Variants in STK24 observed in about 807,000 individuals in gnomAD.
The protein encoded by STK24 is serine/threonine-protein kinase 24.
Under a neutral mutation model 55.6 loss-of-function variants are expected in STK24, and 21 were observed. The observed-to-expected ratio is 0.38, with a 90% CI of 0.27 to 0.54. STK24 has a LOEUF of 0.54. Ranked by LOEUF, STK24 falls within the 20% of genes least tolerant of loss-of-function variation. The probability of loss-of-function intolerance (pLI) is 0.79; values close to 1 mark genes in which losing one functional copy is unlikely to be tolerated. For missense variants in STK24, 383 were observed against 538.4 expected (o/e 0.71, Z 2.86); for synonymous variants, 200 against 215.2 (o/e 0.93, Z 0.62).
At chr13:98,488,160 G>GACACACACACACACAC (rs71213678) in intron 2 of STK24, among the ~76,000 whole-genome samples, 81 of 130,402 alleles carry the variant, frequency 6.2e-4, no homozygotes, top group East Asian at 2.5e-3. Context: ...AAGAGATGAA[G>GACACACACACACACAC]ACACACACAC....
intron 1 of STK24, among the ~76,000 whole-genome samples, chr13:98,574,293 T>C (rs960975993): frequency 3.3e-5 from 5 of 152,222 alleles, no homozygotes; most frequent in African/African-American, 1.2e-4. Flanking sequence ...TTACAGACTC[T>C]GCTGTCTTTC....
At chr13:98,541,489 A>G (rs573488473) in intron 1 of STK24, among the ~76,000 whole-genome samples, 3 of 152,366 alleles carry the variant, frequency 2.0e-5, no homozygotes, top group East Asian at 3.9e-4. Flanking sequence ...GTTGTGAGCA[A>G]AGAGACCATG....
chr13:98,486,627 T>A (rs1894816917), intron 2 of STK24, among the ~76,000 whole-genome samples: 1 of 152,188 alleles, frequency 6.6e-6, no homozygotes, highest in South Asian at 2.1e-4. Context: ...TAGATGCCGG[T>A]GACACACCCC....
intron 2 of STK24, among the ~76,000 whole-genome samples, chr13:98,483,556 A>G (rs949784939): frequency 6.6e-6 from 1 of 151,906 alleles, no homozygotes; most frequent in Non-Finnish European, 1.5e-5. Context: ...AACACGCCCC[A>G]ACTTCCCAGG....
intron 2 of STK24, among the ~76,000 whole-genome samples, chr13:98,497,206 C>CCT (rs1022573728): frequency 7.9e-5 from 12 of 152,214 alleles, no homozygotes; most frequent in African/African-American, 2.9e-4. Flanking sequence ...TCAAAGCCAC[C>CCT]CTCCCTGTGA....
intron 3 of STK24, 115 bp downstream of exon 3, chr13:98,482,150 T>C (rs2139303399): frequency 3.6e-6 from 2 of 549,986 alleles, no homozygotes; most frequent in East Asian, 6.4e-5. Context: ...TGGTTCCTTT[T>C]TTAATGCAAC....
chr13:98,466,079 ATCT>A (rs1298476407), intron 6 of STK24, among the ~76,000 whole-genome samples: 3 of 152,220 alleles, frequency 2.0e-5, no homozygotes, highest in East Asian at 1.9e-4. Context: ...TTATGGCCTG[ATCT>A]TCTATAAATA....
At chr13:98,522,627 T>C (rs1896304229) in intron 1 of STK24, among the ~76,000 whole-genome samples, 1 of 152,200 alleles carries the variant, frequency 6.6e-6, no homozygotes, top group Admixed American at 6.5e-5. Flanking sequence ...TGCACGGAAT[T>C]TGCCACTTCC....
intron 1 of STK24, among the ~76,000 whole-genome samples, chr13:98,569,852 GAAAA>G (rs56223563): frequency 0.18 from 24,404 of 136,656 alleles, 2,101 homozygotes; most frequent in African/African-American, 0.2. Context: ...CTGAAACCAG[GAAAA>G]AAAAAAAAAC....
At chr13:98,500,009 T>C (rs1230013653) in intron 2 of STK24, among the ~76,000 whole-genome samples, 1 of 152,236 alleles carries the variant, frequency 6.6e-6, no homozygotes, top group African/African-American at 2.4e-5. Context: ...TCCTGTGATG[T>C]GCGTGCTAGT....
At chr13:98,514,398 A>G (rs1299935563) in intron 2 of STK24, among the ~76,000 whole-genome samples, 1 of 152,276 alleles carries the variant, frequency 6.6e-6, no homozygotes. Context: ...TATAACTTGG[A>G]AAGATGACTG....
At chr13:98,541,085 T>C (rs1344698606) in intron 1 of STK24, among the ~76,000 whole-genome samples, 1 of 152,170 alleles carries the variant, frequency 6.6e-6, no homozygotes, top group East Asian at 1.9e-4. Context: ...CAGAGGAAGG[T>C]CTTCAGGACT....
At chr13:98,495,789 C>T (rs1037577194) in intron 2 of STK24, among the ~76,000 whole-genome samples, 1 of 152,168 alleles carries the variant, frequency 6.6e-6, no homozygotes, top group African/African-American at 2.4e-5. Context: ...AATGTACGCC[C>T]TTGTGATTTC....
chr13:98,457,909 C>T (rs1893535707), intron 9 of STK24, among the ~76,000 whole-genome samples: 1 of 152,220 alleles, frequency 6.6e-6, no homozygotes, highest in East Asian at 1.9e-4. Flanking sequence ...CCAAGTCTCA[C>T]CGTGATGGAC....
chr13:98,556,399 C>T (rs1323532580), intron 1 of STK24, among the ~76,000 whole-genome samples: 3 of 152,246 alleles, frequency 2.0e-5, no homozygotes, highest in Admixed American at 2.0e-4. Context: ...AGTAAGCCCT[C>T]ACGTTCCACT....
intron 1 of STK24, among the ~76,000 whole-genome samples, chr13:98,566,246 T>C (rs1306897548): frequency 2.0e-5 from 3 of 152,124 alleles, no homozygotes; most frequent in Admixed American, 6.5e-5. Flanking sequence ...TCTTTAAAGG[T>C]TAAAAACAAG....
At chr13:98,576,193 A>G (rs1897886866) in intron 1 of STK24, 1 of 984,986 alleles carries the variant, frequency 1.0e-6, no homozygotes, top group South Asian at 4.7e-5. Context: ...TGCAAGTGGA[A>G]CTCGCGGTTA....
At chr13:98,491,098 G>A (rs1182448891) in intron 2 of STK24, among the ~76,000 whole-genome samples, 4 of 152,130 alleles carry the variant, frequency 2.6e-5, no homozygotes, top group African/African-American at 4.8e-5. Context: ...GGTTTCTGGC[G>A]TACATCATGT....
intron 10 of STK24, chr13:98,454,001 C>T (rs1893329794): frequency 1.3e-5 from 2 of 152,140 alleles, no homozygotes; most frequent in East Asian, 1.9e-4. Context: ...CTTTGAGCCC[C>T]ATGCTGGCGC....
Sources: allele counts gnomAD v4.1 joint callset (sites outside exome capture counted in the v4.1 genomes callset), GRCh38; gene constraint gnomAD v4.1.1; transcripts MANE v1.5; gene names NCBI Gene and HGNC (gene_info 2026-07-23, HGNC 2026-07-21).